The following CDH7 variants were observed in gnomAD, a reference collection of about 807,000 sequenced individuals.
The protein encoded by CDH7 is cadherin 7.
A neutral mutation model predicts 71.8 loss-of-function variants in CDH7; 25 were observed. The observed-to-expected ratio is 0.35, with a 90% confidence interval of 0.25 to 0.49. The LOEUF is 0.49. Ranked by LOEUF, CDH7 falls within the 20% of genes least tolerant of loss-of-function variation. The probability of loss-of-function intolerance (pLI) is 0.99; values close to 1 mark genes in which losing one functional copy is unlikely to be tolerated. For synonymous variants in CDH7, 381 were observed against 363.8 expected (o/e 1.05, Z -0.54); for missense variants, 862 against 974.6 (o/e 0.88, Z 1.54).
intron 11 of CDH7, 44 bp from the exon 12 acceptor site, chr18:65,880,356 TG>T (rs748642866): frequency 2.0e-5 from 30 of 1,508,492 alleles, no homozygotes; most frequent in Non-Finnish European, 2.5e-5. Flanking sequence ...CGTGGGGCAA[TG>T]GGTGAGTTTA....
intron 2 of CDH7, among the ~76,000 whole-genome samples, chr18:65,786,765 C>T (rs769301132): frequency 3.1e-4 from 47 of 152,070 alleles, no homozygotes; most frequent in Non-Finnish European, 4.4e-4. Flanking sequence ...CTCACTGAAG[C>T]CCCAAATTCC....
intron 2 of CDH7, among the ~76,000 whole-genome samples, chr18:65,769,762 C>T (rs997749048): frequency 6.6e-6 from 1 of 152,026 alleles, no homozygotes; most frequent in African/African-American, 2.4e-5. Context: ...ATGGGCCTGT[C>T]TCATGTTTCT....
intron 2 of CDH7, among the ~76,000 whole-genome samples, chr18:65,797,283 G>A (rs141647529): frequency 9.2e-5 from 14 of 152,106 alleles, no homozygotes; most frequent in African/African-American, 3.1e-4. Flanking sequence ...ACTTTATTGT[G>A]GTCTTTGCCT....
At chr18:65,808,617 G>A (rs1178407045) in intron 2 of CDH7, among the ~76,000 whole-genome samples, 1 of 152,074 alleles carries the variant, frequency 6.6e-6, no homozygotes, top group African/African-American at 2.4e-5. Context: ...AGGTACAAAA[G>A]GCAATGTCCT....
At chr18:65,866,404 T>A (rs1193395880) in intron 11 of CDH7, 1 of 149,612 alleles carries the variant, frequency 6.7e-6, no homozygotes, top group Non-Finnish European at 1.5e-5. Context: ...AAAAAGGTAC[T>A]TGACTACATG....
intron 1 of CDH7, among the ~76,000 whole-genome samples, chr18:65,758,269 C>T (rs564949507): frequency 2.0e-5 from 3 of 152,154 alleles, no homozygotes; most frequent in East Asian, 3.9e-4. Context: ...TTCATGATAC[C>T]CAGCTCAGGA....
chr18:65,756,916 T>C (rs1916045275), intron 1 of CDH7, among the ~76,000 whole-genome samples: 1 of 152,216 alleles, frequency 6.6e-6, no homozygotes, highest in Non-Finnish European at 1.5e-5. Context: ...CTTGTGGTGA[T>C]ATGTTAGTGT....
intron 11 of CDH7, chr18:65,863,988 G>C (rs1202916285): frequency 6.6e-6 from 1 of 152,186 alleles, no homozygotes; most frequent in East Asian, 1.9e-4. Flanking sequence ...AAGTGTTACT[G>C]ATGGAAAATT....
At chr18:65,878,532 T>A (rs1206067218) in intron 11 of CDH7, among the ~76,000 whole-genome samples, 2 of 152,184 alleles carry the variant, frequency 1.3e-5, no homozygotes, top group African/African-American at 4.8e-5. Context: ...GTGAAAGTGC[T>A]AATTCTCAGT....
intron 2 of CDH7, among the ~76,000 whole-genome samples, chr18:65,788,777 A>G (rs888877282): frequency 1.3e-5 from 2 of 152,230 alleles, no homozygotes; most frequent in African/African-American, 4.8e-5. Flanking sequence ...GCTTTCGCTT[A>G]GATGAAAAAG....
At chr18:65,813,864 G>A (rs1295603677) in intron 3 of CDH7, among the ~76,000 whole-genome samples, 1 of 152,088 alleles carries the variant, frequency 6.6e-6, no homozygotes, top group Non-Finnish European at 1.5e-5. Flanking sequence ...AGTTTCCATG[G>A]CTTTCCTCTT....
chr18:65,808,828 G>A (rs1911421004), intron 2 of CDH7, among the ~76,000 whole-genome samples: 1 of 152,160 alleles, frequency 6.6e-6, no homozygotes, highest in Non-Finnish European at 1.5e-5. Context: ...CAGTTATAGG[G>A]GGTGAAAGAT....
intron 11 of CDH7, chr18:65,863,807 A>C (rs1480589955): frequency 9.2e-5 from 14 of 152,346 alleles, no homozygotes; most frequent in African/African-American, 3.4e-4. Flanking sequence ...GCAGTAACTC[A>C]GATTTTGCAG....
chr18:65,836,470 A>G (rs954353225), intron 6 of CDH7, among the ~76,000 whole-genome samples: 3 of 152,122 alleles, frequency 2.0e-5, no homozygotes, highest in African/African-American at 4.8e-5. Context: ...GATGAAAATA[A>G]TATCTCCTGA....
At chr18:65,844,821 G>A (rs1010747188) in intron 7 of CDH7, among the ~76,000 whole-genome samples, 5 of 151,930 alleles carry the variant, frequency 3.3e-5, no homozygotes, top group Admixed American at 1.3e-4. Flanking sequence ...TAAAATGTCT[G>A]TTGTATTATA....
At chr18:65,762,012 A>G (rs540398612) in intron 1 of CDH7, among the ~76,000 whole-genome samples, 1 of 152,346 alleles carries the variant, frequency 6.6e-6, no homozygotes, top group East Asian at 1.9e-4. Flanking sequence ...CTAACATGCT[A>G]CACAGCATAC....
At chr18:65,765,289 C>G (rs1265919776) in intron 2 of CDH7, among the ~76,000 whole-genome samples, 1 of 151,612 alleles carries the variant, frequency 6.6e-6, no homozygotes, top group Non-Finnish European at 1.5e-5. Context: ...TTTCATATAT[C>G]CTTGGAAAAA....
At chr18:65,752,597 A>C (rs1158874316) in intron 1 of CDH7, among the ~76,000 whole-genome samples, 1 of 152,180 alleles carries the variant, frequency 6.6e-6, no homozygotes, top group African/African-American at 2.4e-5. Context: ...CCTTTTCTTT[A>C]TTTTTAAGGC....
At chr18:65,756,778 A>G (rs928961246) in intron 1 of CDH7, among the ~76,000 whole-genome samples, 11 of 152,368 alleles carry the variant, frequency 7.2e-5, no homozygotes, top group Admixed American at 7.2e-4. Context: ...ATTTCCTTTT[A>G]GTATAGCTGA....
Sources: allele counts gnomAD v4.1 joint callset (sites outside exome capture counted in the v4.1 genomes callset), GRCh38; gene constraint gnomAD v4.1.1; transcripts MANE v1.5; gene names NCBI Gene and HGNC (gene_info 2026-07-23, HGNC 2026-07-21).